HCN1: variants seen among roughly 807,000 people sequenced by gnomAD.
HCN1 encodes potassium/sodium hyperpolarization-activated cyclic nucleotide-gated channel 1.
Under a neutral mutation model 78.9 loss-of-function variants are expected in HCN1, and 13 were observed. The ratio of observed to expected loss-of-function variants is 0.16; its 90% CI spans 0.11 to 0.26. The LOEUF is 0.26. Ranked by LOEUF, HCN1 falls within the 10% of genes least tolerant of loss-of-function variation. The pLI is 1.00. For missense variants in HCN1, 810 were observed against 1,154.3 expected, an observed-to-expected ratio of 0.70 and a Z score of 4.32; for synonymous variants, 552 against 455.5, an observed-to-expected ratio of 1.21 and a Z score of -2.70.
At chr5:45,496,979 G>A (rs1742048557) in intron 2 of HCN1, among the ~76,000 whole-genome samples, 1 of 152,154 alleles carries the variant, frequency 6.6e-6, no homozygotes, top group South Asian at 2.1e-4. Context: ...TCATTCAGGA[G>A]CAGGTTGTTC....
intron 2 of HCN1, among the ~76,000 whole-genome samples, chr5:45,550,514 G>T (rs79644954): frequency 6.6e-6 from 1 of 152,084 alleles, no homozygotes; most frequent in Middle Eastern, 3.2e-3. Flanking sequence ...GGGCACGGGG[G>T]AGGGATAGCA....
chr5:45,457,208 G>A (rs959767830), intron 3 of HCN1, among the ~76,000 whole-genome samples: 1 of 151,926 alleles, frequency 6.6e-6, no homozygotes, highest in Non-Finnish European at 1.5e-5. Context: ...GGTTACATCC[G>A]ATATTTGAGA....
intron 6 of HCN1, among the ~76,000 whole-genome samples, chr5:45,284,170 G>T (rs1223590076): frequency 6.6e-6 from 1 of 151,974 alleles, no homozygotes; most frequent in Non-Finnish European, 1.5e-5. Context: ...GAACAGAAAG[G>T]ATAACAATTG....
intron 5 of HCN1, among the ~76,000 whole-genome samples, chr5:45,348,405 A>G (rs939864386): frequency 6.6e-6 from 1 of 152,170 alleles, no homozygotes; most frequent in African/African-American, 2.4e-5. Flanking sequence ...CCAGCCACTG[A>G]AAAATCACAC....
Position 45,374,152 on chromosome 5 carries a change from A to T in HCN1, c.1231-20906T>A, listed in dbSNP as rs1164664169. ...TATATATTATATACATATTATATAT[A>T]ATATACATTATATACATAATATATA... On this transcript the variant is annotated intron_variant, in intron 4 of 7. Coordinates refer to ENST00000303230, the MANE Select transcript of HCN1 (RefSeq NM_021072.4). 4.8e-4 allele frequency among the ~76,000 whole-genome samples: 57 copies of T among 119,518 alleles called. 1 individual carries two copies. The highest frequency in any genetic ancestry group is 6.6e-4 in the Non-Finnish European group (40 of 60,890). The allele number at this position is 119,518 out of a possible 152,430, so 78.4% of individuals were successfully genotyped here. A position where few individuals can be genotyped will look rare whatever the true frequency, so the allele number is the denominator to read the frequency against.
At chr5:45,687,756 G>C (rs1184366345) in intron 1 of HCN1, among the ~76,000 whole-genome samples, 2 of 152,058 alleles carry the variant, frequency 1.3e-5, no homozygotes, top group Admixed American at 1.3e-4. Context: ...ATTAACCAAT[G>C]CCATACCAAA....
intron 2 of HCN1, among the ~76,000 whole-genome samples, chr5:45,529,878 C>A (rs1257508016): frequency 6.6e-6 from 1 of 151,890 alleles, no homozygotes; most frequent in African/African-American, 2.4e-5. Flanking sequence ...TACAAATTTG[C>A]CAAATTATCC....
At chr5:45,475,008 T>C (rs1741483386) in intron 2 of HCN1, among the ~76,000 whole-genome samples, 1 of 152,026 alleles carries the variant, frequency 6.6e-6, no homozygotes, top group Admixed American at 6.6e-5. Flanking sequence ...ATAACCTGTA[T>C]ATCTTTTGAA....
intron 6 of HCN1, among the ~76,000 whole-genome samples, chr5:45,276,604 G>C (rs781411306): frequency 1.5e-4 from 23 of 152,102 alleles, no homozygotes; most frequent in Admixed American, 4.6e-4. Flanking sequence ...CCTGCAACCT[G>C]TACCTTAGGC....
intron 1 of HCN1, among the ~76,000 whole-genome samples, chr5:45,670,503 TTAAGAATCATCCTCAA>T (rs1746129826): frequency 6.6e-6 from 1 of 151,678 alleles, no homozygotes; most frequent in South Asian, 2.1e-4. Context: ...CTGGAGGTCA[TTAAGAATCATCCTCAA>T]TTAGAAAAAT....
intron 6 of HCN1, among the ~76,000 whole-genome samples, chr5:45,303,287 C>G (rs897799544): frequency 1.3e-5 from 2 of 152,126 alleles, no homozygotes; most frequent in African/African-American, 4.8e-5. Context: ...ATGACAAAAA[C>G]GAAACAAAAC....
intron 4 of HCN1, among the ~76,000 whole-genome samples, chr5:45,357,214 A>G (rs977257442): frequency 6.6e-6 from 1 of 152,020 alleles, no homozygotes; most frequent in Non-Finnish European, 1.5e-5. Flanking sequence ...CGACTAAGAA[A>G]GATTGTATGT....
rs187121233 is a variant in HCN1, at chr5:45,338,555, C to T, written c.1377+14545G>A. 2.6e-5 allele frequency among the ~76,000 whole-genome samples: 4 copies of T among 152,204 alleles called. No individual in the cohort carries two copies. The East Asian group carries it at 5.8e-4, about 22-fold the overall frequency. On this transcript the variant is annotated intron_variant, in intron 5 of 7. Transcript: ENST00000303230. The stretch of plus-strand genomic sequence containing the variant: ...TTGCCTTTCTGGATATCCTAGTTCA[C>T]TCATTTAGCATTTATTTGTCATTCA...
intron 4 of HCN1, among the ~76,000 whole-genome samples, chr5:45,366,535 A>G (rs1311581676): frequency 1.3e-5 from 2 of 151,818 alleles, no homozygotes; most frequent in Non-Finnish European, 2.9e-5. Context: ...TAGCATTAGT[A>G]ATAGCTTGAT....
At chr5:45,269,845 C>G (rs143042998) in intron 6 of HCN1, among the ~76,000 whole-genome samples, 1 of 152,226 alleles carries the variant, frequency 6.6e-6, no homozygotes, top group Non-Finnish European at 1.5e-5. Flanking sequence ...AACTAAGAGC[C>G]TGTTTAGTAT....
Position 45,383,026 on chromosome 5 carries a change from CGTTT to C in HCN1, c.1230+13462_1230+13465del, listed in dbSNP as rs201195517. On this transcript the variant is annotated intron_variant, in intron 4 of 7. Transcript: ENST00000303230. ...TCTCTATATAGGAGGTTTGTCATAA[CGTTT>C]GTTTGTAAAGTGTTATTGAGTAAAA... Among the ~76,000 whole-genome samples the C allele has an allele frequency of 6.2e-3, 942 of 152,062 alleles. 2 individuals carry two copies. Among genetic ancestry groups the C allele is most frequent in the Non-Finnish European group, 9.9e-3 (675 of 67,972 alleles).
At chr5:45,384,977 G>A (rs1747883571) in intron 4 of HCN1, among the ~76,000 whole-genome samples, 2 of 152,022 alleles carry the variant, frequency 1.3e-5, no homozygotes, top group Non-Finnish European at 2.9e-5. Context: ...TCCAGAACTG[G>A]AGACTTCAAA....
At chr5:45,313,333 C>G (rs1745900053) in intron 5 of HCN1, among the ~76,000 whole-genome samples, 1 of 152,090 alleles carries the variant, frequency 6.6e-6, no homozygotes, top group African/African-American at 2.4e-5. Flanking sequence ...AACTAACAAA[C>G]AGAAAGGACA....
At chr5:45,458,046 A>G (rs1385112454) in intron 3 of HCN1, among the ~76,000 whole-genome samples, 1 of 152,128 alleles carries the variant, frequency 6.6e-6, no homozygotes, top group Non-Finnish European at 1.5e-5. Flanking sequence ...ATTTAGAAAG[A>G]CTGCAAAGGA....
Sources: allele counts gnomAD v4.1 joint callset (sites outside exome capture counted in the v4.1 genomes callset), GRCh38; gene constraint gnomAD v4.1.1; transcripts MANE v1.5; gene names NCBI Gene and HGNC (gene_info 2026-07-23, HGNC 2026-07-21).